SLIT1: variants seen among roughly 807,000 people sequenced by gnomAD.
SLIT1 encodes the protein slit homolog 1 protein.
A neutral mutation model predicts 186.1 loss-of-function variants in SLIT1; 66 were observed. The ratio of observed to expected loss-of-function variants is 0.35; its 90% CI spans 0.29 to 0.44. The LOEUF (loss-of-function observed/expected upper bound fraction) is 0.44. Ranked by LOEUF, SLIT1 falls within the 20% of genes least tolerant of loss-of-function variation. The pLI is 1.00. For synonymous variants in SLIT1, 761 were observed against 833.8 expected (o/e 0.91, Z 1.50); for missense variants, 1,638 against 2,037.4 (o/e 0.80, Z 3.77).
At chr10:97,141,681 TGTATCGTATC>T (rs535747840) in intron 4 of SLIT1, among the ~76,000 whole-genome samples, 1 of 140,910 alleles carries the variant, frequency 7.1e-6, no homozygotes, top group East Asian at 2.2e-4. Flanking sequence ...TGTATCGTAT[TGTATCGTATC>T]GTATCGTATC....
Position 97,056,430 on chromosome 10 carries a change from G to T in SLIT1, c.1192C>A (p.Pro398Thr). The change falls in exon 13 of 37, where the codon CCC (proline) becomes ACC (threonine). Residue 398 changes from proline to threonine, a missense_variant. Around this residue, in one of 3 missense-constraint regions of SLIT1, gnomAD observed 1,245 missense variants for 1,535.3 expected, o/e 0.81. Coordinates refer to ENST00000266058, the MANE Select transcript of SLIT1 (RefSeq NM_003061.3). ...LNANKINCIR[P>T]DAFQDLQNLS... ...TTCTGCAGGTCCTGGAAGGCATCGG[G>T]CCGGATGCAGTTGATCTTGTTGGCA... The T allele has an allele frequency of 6.2e-7, 1 of 1,614,190 alleles. No homozygotes were observed.
chr10:97,089,080 G>A (rs1849200071), intron 4 of SLIT1, among the ~76,000 whole-genome samples: 2 of 152,228 alleles, frequency 1.3e-5, no homozygotes, highest in Non-Finnish European at 2.9e-5. Flanking sequence ...TGCAGGAGCA[G>A]CAGCCAGCTC....
At chr10:97,055,262 A>G (rs907069289) in intron 13 of SLIT1, among the ~76,000 whole-genome samples, 1 of 152,166 alleles carries the variant, frequency 6.6e-6, no homozygotes, top group Admixed American at 6.5e-5. Context: ...TGTAAGAGAC[A>G]CTTGGAAATT....
At chr10:97,012,403 G>A (rs1848419604) in intron 30 of SLIT1, among the ~76,000 whole-genome samples, 1 of 152,188 alleles carries the variant, frequency 6.6e-6, no homozygotes, top group African/African-American at 2.4e-5. Context: ...GGTAATGCCA[G>A]GCACAGCTGA....
rs554909084 is a variant in SLIT1 at position 97,120,490 on chromosome 10, C to T, written c.413+37328G>A. Among the ~76,000 whole-genome samples, 136 of 152,346 alleles carry T rather than the reference C, an allele frequency of 8.9e-4. 1 individual carries two copies. The highest frequency in any genetic ancestry group is 2.0e-3 in the Admixed American group (30 of 15,310). On this transcript the variant is annotated intron_variant, in intron 4 of 36. Coordinates refer to ENST00000266058, the MANE Select transcript of SLIT1 (RefSeq NM_003061.3). ...AAAGAAACAAAACTCCGGGCAGGCTCAAGGACTTGTGTCGGGGTACTGGAG... is the reference window on the plus strand; with the variant it reads ...AAAGAAACAAAACTCCGGGCAGGCTTAAGGACTTGTGTCGGGGTACTGGAG...
intron 1 of SLIT1, among the ~76,000 whole-genome samples, chr10:97,169,789 C>G (rs1428916147): frequency 2.0e-5 from 3 of 152,226 alleles, no homozygotes; most frequent in Non-Finnish European, 4.4e-5. Context: ...TCATTTCACT[C>G]TCATTTCACA....
At chr10:97,087,099 T>TAA (rs35370922) in intron 4 of SLIT1, among the ~76,000 whole-genome samples, 345 of 140,724 alleles carry the variant, frequency 2.5e-3, no homozygotes, top group East Asian at 4.6e-3. Flanking sequence ...TTAAAACAAT[T>TAA]AAAAAAAAAA....
In SLIT1 at chr10:97,072,820, T is replaced by C. The variant is rs182773970; in HGVS notation, c.414-6734A>G. Among the ~76,000 whole-genome samples, 150 of 152,334 alleles carry C rather than the reference T, an allele frequency of 9.8e-4. 1 individual carries two copies. In the South Asian group the frequency reaches 0.017, roughly 17 times the overall value. ...TCCTGCTTCTGCTATTGACCAACCA[T>C]GGACCTCGAGAAGTTCTGCACCTGA... On this transcript the variant is annotated intron_variant, in intron 4 of 36. Coordinates refer to ENST00000266058, the MANE Select transcript of SLIT1 (RefSeq NM_003061.3).
chr10:97,062,698 A>G (rs1848904327), intron 8 of SLIT1, among the ~76,000 whole-genome samples: 1 of 152,190 alleles, frequency 6.6e-6, no homozygotes, highest in Non-Finnish European at 1.5e-5. Flanking sequence ...CAGGCCAGGC[A>G]CAGCTGGGGG....
rs562669510 is a variant in SLIT1, at chr10:97,003,850, C to A, written c.3865+218G>T. 3.3e-5 allele frequency among the ~76,000 whole-genome samples: 5 copies of A among 152,332 alleles called. No homozygotes were observed. The East Asian group carries it at 9.7e-4, about 29-fold the overall frequency. ...GTCCCAGGGCCTCCCCTAAGCCAGACCTTGCACCCAACCCAAGCATCCATC... is the reference window on the plus strand; with the variant it reads ...GTCCCAGGGCCTCCCCTAAGCCAGAACTTGCACCCAACCCAAGCATCCATC... On this transcript the variant is annotated intron_variant, in intron 34 of 36. Transcript: ENST00000266058.
chr10:97,166,784 G>A (rs1241925943), intron 1 of SLIT1, among the ~76,000 whole-genome samples: 3 of 152,062 alleles, frequency 2.0e-5, no homozygotes, highest in Admixed American at 6.5e-5. Context: ...CCAGGAACTG[G>A]GCATTATGCA....
chr10:97,006,401 G>C lies in SLIT1; in HGVS notation c.3579+82C>G, dbSNP rs1301056117. The C allele has an allele frequency of 3.3e-6, 3 of 918,148 alleles. No homozygotes were observed. Among genetic ancestry groups the C allele is most frequent in the Admixed American group, 1.9e-5 (1 of 52,594 alleles). The allele number at this position is 918,148 out of a possible 1,614,324, so 56.9% of individuals were successfully genotyped here. ...CTTCCAGTTCCCCAGGCACCATGCA[G>C]GGATGTATCCTGATGCTCTGGCCTA... is the stretch of plus-strand genomic sequence containing the variant. On this transcript the variant is annotated intron_variant, in intron 32 of 36. Transcript: ENST00000266058. This position sits in a 1 kb window ranked among gnomAD's most constrained non-coding sequence, Gnocchi z 4.0.
intron 4 of SLIT1, among the ~76,000 whole-genome samples, chr10:97,075,254 T>G (rs1431963533): frequency 6.6e-6 from 1 of 152,218 alleles, no homozygotes; most frequent in Non-Finnish European, 1.5e-5. Flanking sequence ...TCTGGCCTCA[T>G]GCACATCTTC....
chr10:97,134,774 G>T (rs979739465), intron 4 of SLIT1, among the ~76,000 whole-genome samples: 1 of 152,216 alleles, frequency 6.6e-6, no homozygotes, highest in African/African-American at 2.4e-5. Flanking sequence ...CTTCCCCTTT[G>T]ATTTTTTGGG....
intron 1 of SLIT1, among the ~76,000 whole-genome samples, chr10:97,166,578 A>G (rs1442555995): frequency 1.8e-4 from 17 of 96,594 alleles, no homozygotes; most frequent in Non-Finnish European, 3.3e-4. Context: ...AGAGAAAGAA[A>G]GAAAGAAAGA....
chr10:97,152,458 GC>G (rs35721382), intron 4 of SLIT1, among the ~76,000 whole-genome samples: 90,734 of 151,944 alleles, frequency 0.6, 29,803 homozygotes, highest in Admixed American at 0.74. Flanking sequence ...CATTTCCTGG[GC>G]ACCTCCCGTG....
chr10:97,123,088 AT>A (rs1849574059), intron 4 of SLIT1, among the ~76,000 whole-genome samples: 1 of 152,240 alleles, frequency 6.6e-6, no homozygotes. Flanking sequence ...CAGAGATGCT[AT>A]TACCATCCCC....
intron 4 of SLIT1, among the ~76,000 whole-genome samples, chr10:97,112,528 C>T (rs539206404): frequency 1.2e-4 from 18 of 152,316 alleles, no homozygotes; most frequent in Non-Finnish European, 2.6e-4. Flanking sequence ...GCTGAGCCTT[C>T]ACAGCACTAT....
chr10:97,057,185 C>A, intron 12 of SLIT1, 25 bp downstream of exon 12: 1 of 1,601,684 alleles, frequency 6.2e-7, no homozygotes, highest in South Asian at 1.1e-5. Flanking sequence ...GGGTCCCACC[C>A]AAGACACCCA....
Sources: allele counts gnomAD v4.1 joint callset (sites outside exome capture counted in the v4.1 genomes callset), GRCh38; gene constraint gnomAD v4.1.1; regional missense constraint gnomAD v4.1.1; non-coding constraint Gnocchi (gnomAD v3.1); transcripts MANE v1.5; gene names NCBI Gene and HGNC (gene_info 2026-07-23, HGNC 2026-07-21).